Variants in WDR35 observed in about 807,000 individuals in gnomAD.
WDR35 encodes the protein WD repeat-containing protein 35.
A neutral mutation model predicts 158.3 loss-of-function variants in WDR35; 118 were observed. The observed-to-expected ratio is 0.75, with a 90% CI of 0.64 to 0.87. The LOEUF (loss-of-function observed/expected upper bound fraction) is 0.87, where lower values mean the gene tolerates loss of function less well. Ranked by LOEUF, WDR35 falls within the 40% of genes least tolerant of loss-of-function variation. WDR35 has a pLI of 0.00. For missense variants in WDR35, 1,263 were observed against 1,405.8 expected, an observed-to-expected ratio of 0.90 and a Z score of 1.62; for synonymous variants, 448 against 476.1, an observed-to-expected ratio of 0.94 and a Z score of 0.77.
At chr2:19,958,474 G>C (rs1284796378) in intron 11 of WDR35, among the ~76,000 whole-genome samples, 4 of 152,218 alleles carry the variant, frequency 2.6e-5, no homozygotes, top group Non-Finnish European at 5.9e-5. Flanking sequence ...TTAATTATTT[G>C]TTCAGAAATC....
At chr2:19,936,109 A>G in intron 20 of WDR35, 110 bp downstream of exon 20, 1 of 1,512,488 alleles carries the variant, frequency 6.6e-7, no homozygotes, top group Non-Finnish European at 9.0e-7. Context: ...TCTGAATTTT[A>G]GAATTCAAGA....
intron 2 of WDR35, among the ~76,000 whole-genome samples, chr2:19,984,733 G>A (rs1672498385): frequency 6.6e-6 from 1 of 152,202 alleles, no homozygotes; most frequent in Non-Finnish European, 1.5e-5. Context: ...CTAAATCTTT[G>A]AGAATCTTTC....
intron 10 of WDR35, among the ~76,000 whole-genome samples, chr2:19,964,381 CTTTTTTT>C (rs558586617): frequency 1.8e-5 from 2 of 113,426 alleles, no homozygotes; most frequent in Admixed American, 1.0e-4. Flanking sequence ...CTTTTCTTTT[CTTTTTTT>C]TTTTTTTTCT....
chr2:19,925,937 T>G (rs796819613), intron 25 of WDR35, among the ~76,000 whole-genome samples: 7 of 152,262 alleles, frequency 4.6e-5, no homozygotes, highest in African/African-American at 1.7e-4. Context: ...ACCTTTAAAA[T>G]GGTTAACAGA....
At chr2:19,937,717 G>A in intron 19 of WDR35, 26 bp downstream of exon 19, 1 of 1,613,856 alleles carries the variant, frequency 6.2e-7, no homozygotes, top group East Asian at 2.2e-5. Context: ...AGAGTACTCA[G>A]GGATGCCTGC....
At chr2:19,985,773 T>C (rs1572372024) in intron 2 of WDR35, among the ~76,000 whole-genome samples, 2 of 150,388 alleles carry the variant, frequency 1.3e-5, no homozygotes, top group African/African-American at 4.9e-5. Context: ...GGCACGCACC[T>C]GTAATCCCAG....
At chr2:19,954,417 C>A (rs538361418) in intron 11 of WDR35, among the ~76,000 whole-genome samples, 1 of 152,246 alleles carries the variant, frequency 6.6e-6, no homozygotes, top group East Asian at 1.9e-4. Context: ...ATTTGCAAAT[C>A]GTGTATCTGA....
intron 15 of WDR35, among the ~76,000 whole-genome samples, 156 bp downstream of exon 15, chr2:19,946,305 T>C (rs1025631700): frequency 3.9e-5 from 6 of 152,198 alleles, no homozygotes; most frequent in Non-Finnish European, 8.8e-5. Flanking sequence ...ATTAAAAACA[T>C]TTAAACCAAA....
At chr2:19,943,911 T>A (rs1390075026) in intron 16 of WDR35, among the ~76,000 whole-genome samples, 1 of 152,114 alleles carries the variant, frequency 6.6e-6, no homozygotes, top group African/African-American at 2.4e-5. Context: ...GATAAAGGTA[T>A]GAATCTAGAA....
chr2:19,932,273 T>C lies in WDR35; in HGVS notation c.2823+10A>G. 6.8e-6 allele frequency: 11 copies of C among 1,613,080 alleles called. No homozygotes were observed. Among genetic ancestry groups the C allele is most frequent in the Non-Finnish European group, 9.3e-6 (11 of 1,179,394 alleles). On this transcript the variant is annotated intron_variant, in intron 23 of 26. Coordinates refer to ENST00000281405, the MANE Select transcript of WDR35 (RefSeq NM_020779.4). The stretch of plus-strand genomic sequence containing the variant: ...AACAAATCAACTATTCACCAAGATT[T>C]TTACATTACCTTAAACATCAGTTTA...
chr2:19,931,402 T>A lies in WDR35; in HGVS notation c.2831A>T (p.Asp944Val). 1 of 1,613,290 alleles carries A rather than the reference T, an allele frequency of 6.2e-7. No individual in the cohort carries two copies. Among genetic ancestry groups the A allele is most frequent in the South Asian group, 1.1e-5 (1 of 91,070 alleles). Residue 944 changes from aspartate (D) to valine (V), a missense_variant, in exon 24 of 27, where the codon GAT (aspartate) becomes GTT (valine). Physicochemically the swap from Asp to Val is radical, Grantham distance 152 (BLOSUM62 -3). Coordinates refer to ENST00000281405, the MANE Select transcript of WDR35 (RefSeq NM_020779.4). ...DAAKLMFKIA[D>V]EEAKKGSKPL... is the part of the protein sequence containing the mutation. ...TTTACTTCCTTTCTTTGCCTCTTCA[T>A]CTGCAATCTTAAACATTTTTCAAAA...
intron 10 of WDR35, among the ~76,000 whole-genome samples, chr2:19,966,153 G>A (rs980028959): frequency 2.6e-5 from 4 of 152,090 alleles, no homozygotes; most frequent in Admixed American, 1.3e-4. Flanking sequence ...CTTTTTAATG[G>A]GGTAAAATAA....
intron 12 of WDR35, among the ~76,000 whole-genome samples, chr2:19,952,770 T>C (rs1031042662): frequency 4.7e-5 from 7 of 148,766 alleles, no homozygotes; most frequent in Middle Eastern, 3.5e-3. Context: ...TGAATTCGCA[T>C]ACTCAACATA....
intron 13 of WDR35, among the ~76,000 whole-genome samples, chr2:19,948,865 G>A (rs1311583125): frequency 6.7e-6 from 1 of 149,268 alleles, no homozygotes; most frequent in African/African-American, 2.5e-5. Flanking sequence ...AGTGAGCCGA[G>A]ATCACACCAC....
At chr2:19,921,131 A>T (rs185948210) in intron 25 of WDR35, among the ~76,000 whole-genome samples, 53 of 152,338 alleles carry the variant, frequency 3.5e-4, no homozygotes, top group Admixed American at 2.8e-3. Flanking sequence ...GGAAGAACCA[A>T]TATCATCAAA....
At chr2:19,933,376 A>G (rs1670585165) in intron 22 of WDR35, 25 bp downstream of exon 22, 2 of 1,582,098 alleles carry the variant, frequency 1.3e-6, no homozygotes, top group East Asian at 2.2e-5. Context: ...AATAAGCTGC[A>G]CAGACAGAAA....
chr2:19,936,091 T>C (rs1670683137), intron 20 of WDR35, 128 bp downstream of exon 20: 1 of 1,434,906 alleles, frequency 7.0e-7, no homozygotes, highest in Non-Finnish European at 9.5e-7. Context: ...AAGATGAATC[T>C]AGAGCTATCT....
At chr2:19,946,668 A>C (rs1182563630) in intron 14 of WDR35, 98 bp from the exon 15 acceptor site, 22 of 1,113,584 alleles carry the variant, frequency 2.0e-5, no homozygotes, top group Non-Finnish European at 2.7e-5. Context: ...TCTTAAAACC[A>C]AAGTGATGTC....
intron 25 of WDR35, among the ~76,000 whole-genome samples, chr2:19,916,852 CA>C (rs1360849615): frequency 1.3e-5 from 2 of 152,218 alleles, no homozygotes; most frequent in African/African-American, 2.4e-5. Context: ...AGCAGCGGAT[CA>C]ACCAGCACAG....
Sources: allele counts gnomAD v4.1 joint callset (sites outside exome capture counted in the v4.1 genomes callset), GRCh38; gene constraint gnomAD v4.1.1; transcripts MANE v1.5; gene names NCBI Gene and HGNC (gene_info 2026-07-23, HGNC 2026-07-21).